RBFOX2: variants seen among roughly 807,000 people sequenced by gnomAD.
RBFOX2 encodes the protein RNA binding protein fox-1 homolog 2.
In RBFOX2, 10 loss-of-function variants were observed where a neutral mutation model predicts 49.1. The observed-to-expected ratio is 0.20, with a 90% CI of 0.13 to 0.35. The LOEUF is 0.35. Ranked by LOEUF, RBFOX2 falls within the 10% of genes least tolerant of loss-of-function variation. The pLI, the probability that RBFOX2 is intolerant of heterozygous loss-of-function variation, is 1.00. For synonymous variants in RBFOX2, 183 were observed against 187.4 expected, an observed-to-expected ratio of 0.98 and a Z score of 0.19; for missense variants, 323 against 486.9, an observed-to-expected ratio of 0.66 and a Z score of 3.17.
intron 4 of RBFOX2, among the ~76,000 whole-genome samples, chr22:35,776,544 T>C (rs970380626): frequency 2.6e-5 from 4 of 152,150 alleles, no homozygotes; most frequent in African/African-American, 9.7e-5. Context: ...GGACAGGAGG[T>C]ATATAAACTC....
intron 1 of RBFOX2, among the ~76,000 whole-genome samples, chr22:35,839,859 C>T (rs1440553837): frequency 6.6e-6 from 1 of 152,166 alleles, no homozygotes; most frequent in Non-Finnish European, 1.5e-5. Flanking sequence ...AGAATCTCTT[C>T]CTACCTCTGC....
At chr22:35,756,425 C>T (rs745777585) in intron 9 of RBFOX2, among the ~76,000 whole-genome samples, 2 of 152,126 alleles carry the variant, frequency 1.3e-5, no homozygotes, top group African/African-American at 2.4e-5. Flanking sequence ...ATAAAAAGCA[C>T]TCCTAGAAGA....
rs577691382 is a variant in RBFOX2 at position 35,885,684 on chromosome 22, T to A, written c.-34+53163A>T. ...ATGAAAGCTAGGTCGTTTCCCCGCATAAACAACATAAGCTTCTGACTCTTA... is the reference window on the plus strand; with the variant it reads ...ATGAAAGCTAGGTCGTTTCCCCGCAAAAACAACATAAGCTTCTGACTCTTA... On this transcript the variant is annotated intron_variant, in intron 1 of 13. Transcript: ENST00000359369. Among the ~76,000 whole-genome samples the A allele has an allele frequency of 5.3e-5, 8 of 152,068 alleles. No individual in the cohort carries two copies. In the East Asian group the frequency reaches 1.5e-3, roughly 29 times the overall value.
intron 1 of RBFOX2, among the ~76,000 whole-genome samples, chr22:35,972,589 G>A (rs1180133645): frequency 6.6e-6 from 1 of 152,124 alleles, no homozygotes; most frequent in Non-Finnish European, 1.5e-5. Context: ...GTAATATGGG[G>A]CAAGGCAGAT....
At chr22:35,926,642 G>A (rs2051672223) in intron 1 of RBFOX2, among the ~76,000 whole-genome samples, 1 of 152,152 alleles carries the variant, frequency 6.6e-6, no homozygotes, top group South Asian at 2.1e-4. Context: ...GGCATAAAAG[G>A]CAAGATGTGA....
chr22:35,820,143 C>T (rs1434910647), intron 1 of RBFOX2, among the ~76,000 whole-genome samples: 3 of 152,112 alleles, frequency 2.0e-5, no homozygotes, highest in Non-Finnish European at 4.4e-5. Context: ...TCCTGTAAAG[C>T]TTACAGCCAC....
chr22:35,987,877 T>C (rs2057790119), intron 1 of RBFOX2, among the ~76,000 whole-genome samples: 1 of 152,214 alleles, frequency 6.6e-6, no homozygotes, highest in Non-Finnish European at 1.5e-5. Flanking sequence ...CCTTTTCTTT[T>C]GTCAAAGAAC....
intron 1 of RBFOX2, among the ~76,000 whole-genome samples, chr22:35,892,048 G>A (rs1353914826): frequency 2.0e-5 from 3 of 152,158 alleles, no homozygotes; most frequent in South Asian, 2.1e-4. Context: ...AAAACACTTC[G>A]GAGTGGTGAG....
exon 2 of RBFOX2, chr22:35,809,873 C>A: frequency 6.2e-7 from 1 of 1,614,072 alleles, no homozygotes; most frequent in Non-Finnish European, 8.5e-7. Context: ...GCTCACCGGT[C>A]TGGCCGGCAT....
intron 1 of RBFOX2, among the ~76,000 whole-genome samples, chr22:35,936,954 A>G (rs373814742): frequency 6.6e-6 from 1 of 152,210 alleles, no homozygotes; most frequent in African/African-American, 2.4e-5. Flanking sequence ...CATTTTATAA[A>G]TAATAAAGTA....
chr22:35,992,222 A>G (rs1013718627), intron 1 of RBFOX2: 7 of 152,322 alleles, frequency 4.6e-5, no homozygotes, highest in Non-Finnish European at 8.8e-5. Context: ...TAGCAGAGGG[A>G]ACGCAAAGAA....
chr22:35,906,255 G>A (rs1027140817), intron 1 of RBFOX2, among the ~76,000 whole-genome samples: 6 of 152,136 alleles, frequency 3.9e-5, no homozygotes, highest in Non-Finnish European at 5.9e-5. Flanking sequence ...AGTGCCTGTA[G>A]GGGAAAGACA....
At chr22:35,993,019 A>G (rs1316279402) in intron 1 of RBFOX2, 3 of 152,252 alleles carry the variant, frequency 2.0e-5, no homozygotes, top group Non-Finnish European at 4.4e-5. Context: ...ATACAAAAAC[A>G]TAATACAATA....
upstream of RBFOX2, among the ~76,000 whole-genome samples, chr22:35,943,878 C>T (rs956075685): frequency 6.6e-6 from 1 of 152,228 alleles, no homozygotes; most frequent in Non-Finnish European, 1.5e-5. Context: ...GCACTCCAGC[C>T]TGGGCGACAG....
intron 2 of RBFOX2, among the ~76,000 whole-genome samples, chr22:35,791,597 G>GA (rs1395884971): frequency 6.6e-6 from 1 of 152,006 alleles, no homozygotes; most frequent in Non-Finnish European, 1.5e-5. Flanking sequence ...GTTTGATGAA[G>GA]AAAAAAACCC....
intron 1 of RBFOX2, among the ~76,000 whole-genome samples, chr22:35,875,608 G>T (rs2044939832): frequency 2.2e-4 from 1 of 4,484 alleles, no homozygotes; most frequent in African/African-American, 1.0e-3. Flanking sequence ...GCTCACAAGG[G>T]TGTGTGTGTG....
chr22:35,849,081 C>A (rs2041571206), intron 1 of RBFOX2, among the ~76,000 whole-genome samples: 1 of 152,126 alleles, frequency 6.6e-6, no homozygotes, highest in African/African-American at 2.4e-5. Context: ...ACAAAATAGT[C>A]TAAAACGTTA....
intron 3 of RBFOX2, among the ~76,000 whole-genome samples, chr22:35,779,387 A>G (rs1298158017): frequency 6.6e-6 from 1 of 152,248 alleles, no homozygotes; most frequent in Non-Finnish European, 1.5e-5. Context: ...GGAAAGAGCA[A>G]AACAGAAATC....
rs1278277759 is a variant in RBFOX2, at chr22:35,890,570, T to TAC, written c.-34+48275_-34+48276dup. 3.0e-4 allele frequency among the ~76,000 whole-genome samples: 46 copies of TAC among 152,304 alleles called. 1 individual carries two copies. In the South Asian group the frequency reaches 8.9e-3, roughly 29 times the overall value. On this transcript the variant is annotated intron_variant, in intron 1 of 13. Transcript: ENST00000359369. ...AAGCCATGGATAAGGGGGACTACTA[T>TAC]ACTGATAAACTGGAAACCACTGAAC...
Sources: gnomAD v4.1 joint callset for allele counts (sites outside exome capture counted in the v4.1 genomes callset) on GRCh38, gnomAD v4.1.1 for gene constraint, MANE v1.5 for transcripts, NCBI Gene and HGNC (gene_info 2026-07-23, HGNC 2026-07-21) for gene names.